DPP6: variants seen among roughly 807,000 people sequenced by gnomAD.
DPP6 encodes A-type potassium channel modulatory protein DPP6.
A neutral mutation model predicts 122.6 loss-of-function variants in DPP6; 69 were observed. The ratio of observed to expected loss-of-function variants is 0.56; its 90% CI spans 0.46 to 0.69. DPP6 has a LOEUF of 0.69. Among genes scored for constraint, DPP6 ranks in the 30% least tolerant of loss-of-function variants. DPP6 has a pLI of 0.00. For synonymous variants in DPP6, 418 were observed against 433.1 expected (o/e 0.97, Z 0.43); for missense variants, 928 against 1,116.9 (o/e 0.83, Z 2.41).
At chr7:154,629,827 C>T (rs763953871) in intron 5 of DPP6, among the ~76,000 whole-genome samples, 2 of 152,152 alleles carry the variant, frequency 1.3e-5, no homozygotes, top group African/African-American at 2.4e-5. Context: ...TAATGCTGAC[C>T]AGACACCCAG....
intron 1 of DPP6, among the ~76,000 whole-genome samples, chr7:154,010,000 C>T (rs2129048549): frequency 6.6e-6 from 1 of 152,344 alleles, no homozygotes; most frequent in Admixed American, 6.5e-5. Flanking sequence ...GTAGATACAG[C>T]TGAGACTAGT....
chr7:153,865,364 A>G, the DPP6 span, among the ~76,000 whole-genome samples: 1 of 152,176 alleles, frequency 6.6e-6, no homozygotes, highest in Non-Finnish European at 1.5e-5. Flanking sequence ...ATTTTAATGA[A>G]GATGGTAGGT....
the DPP6 span, among the ~76,000 whole-genome samples, chr7:153,861,307 C>G: frequency 1.3e-5 from 2 of 152,126 alleles, no homozygotes; most frequent in African/African-American, 2.4e-5. Context: ...CAGCTTTCAG[C>G]CTCAAAATGA....
rs138955474 is a variant in DPP6, at chr7:154,785,660, A to G, written c.1137-8419A>G. Among the ~76,000 whole-genome samples, 1,338 of 152,272 alleles carry G rather than the reference A, an allele frequency of 8.8e-3. 17 individuals carry two copies. Among genetic ancestry groups the G allele is most frequent in the South Asian group, 0.016 (76 of 4,826 alleles). On this transcript the variant is annotated intron_variant, in intron 10 of 25. Transcript: ENST00000377770. ...TCTGCATCTTTGTTTTTACTTTTAC[A>G]TCATTGAGGTTGATGGCATTTACAC...
the DPP6 span, among the ~76,000 whole-genome samples, chr7:153,775,212 G>A: frequency 8.3e-5 from 12 of 144,780 alleles, no homozygotes; most frequent in Non-Finnish European, 1.5e-4. Flanking sequence ...ACCAAGTCAA[G>A]TTTGTTCCAA....
At chr7:153,883,390 C>CTT (rs11399982), upstream of DPP6, among the ~76,000 whole-genome samples, 741 of 150,850 alleles carry the variant, frequency 4.9e-3, 7 homozygotes, top group South Asian at 0.031. Context: ...TTTTTTTGTT[C>CTT]TTTTTTTTTG....
intron 3 of DPP6, among the ~76,000 whole-genome samples, chr7:154,529,892 A>G (rs990593840): frequency 6.6e-6 from 1 of 152,170 alleles, no homozygotes; most frequent in African/African-American, 2.4e-5. Flanking sequence ...TTGGGAGGCC[A>G]AGGCAGGTGG....
intron 16 of DPP6, among the ~76,000 whole-genome samples, chr7:154,841,217 A>G (rs1043559623): frequency 6.6e-6 from 1 of 152,134 alleles, no homozygotes; most frequent in South Asian, 2.1e-4. Flanking sequence ...CTCCATCCAC[A>G]GTCTAGCTGT....
At chr7:153,877,509 A>G in the DPP6 span, among the ~76,000 whole-genome samples, 2 of 152,170 alleles carry the variant, frequency 1.3e-5, no homozygotes, top group African/African-American at 2.4e-5. Flanking sequence ...GCATTGTGCT[A>G]TGGTGTTAGG....
chr7:153,790,427 G>A, the DPP6 span, among the ~76,000 whole-genome samples: 1 of 152,148 alleles, frequency 6.6e-6, no homozygotes, highest in Non-Finnish European at 1.5e-5. Flanking sequence ...TATATGACAT[G>A]TTTTTAAAAG....
At chr7:154,243,460 G>A (rs1361812050) in intron 1 of DPP6, among the ~76,000 whole-genome samples, 1 of 152,110 alleles carries the variant, frequency 6.6e-6, no homozygotes, top group Non-Finnish European at 1.5e-5. Flanking sequence ...TAAAATTTTA[G>A]AACTGAAAAT....
At chr7:153,826,519 A>G in the DPP6 span, among the ~76,000 whole-genome samples, 1 of 152,080 alleles carries the variant, frequency 6.6e-6, no homozygotes, top group Admixed American at 6.5e-5. Context: ...AAGAGTTGCA[A>G]TTTCCTGTTG....
chr7:154,300,758 A>G (rs1163825854), intron 1 of DPP6, among the ~76,000 whole-genome samples: 1 of 152,322 alleles, frequency 6.6e-6, no homozygotes, highest in East Asian at 1.9e-4. Context: ...AGAGTTTCTT[A>G]TCAGTTCAAG....
intron 1 of DPP6, among the ~76,000 whole-genome samples, chr7:154,206,380 C>G (rs1393627226): frequency 6.6e-6 from 1 of 152,212 alleles, no homozygotes; most frequent in Admixed American, 6.5e-5. Flanking sequence ...ACAGGCAGCA[C>G]AGAGGCATGG....
intron 1 of DPP6, among the ~76,000 whole-genome samples, chr7:154,382,290 C>G (rs1304857884): frequency 6.6e-6 from 1 of 152,064 alleles, no homozygotes; most frequent in Non-Finnish European, 1.5e-5. Flanking sequence ...CAGGTTCAAG[C>G]AATTCTGCTT....
intron 1 of DPP6, among the ~76,000 whole-genome samples, chr7:153,896,552 C>A (rs982931049): frequency 6.6e-6 from 1 of 152,142 alleles, no homozygotes; most frequent in Non-Finnish European, 1.5e-5. Flanking sequence ...CACCTGTAAT[C>A]TCAGCACTTT....
intron 1 of DPP6, among the ~76,000 whole-genome samples, chr7:154,085,303 C>T (rs1434113409): frequency 3.3e-5 from 5 of 152,098 alleles, no homozygotes; most frequent in South Asian, 2.1e-4. Context: ...CAAGCTTTTC[C>T]GGACATTCTG....
At chr7:154,326,722 T>A (rs1277688046) in intron 1 of DPP6, among the ~76,000 whole-genome samples, 1 of 152,258 alleles carries the variant, frequency 6.6e-6, no homozygotes, top group East Asian at 1.9e-4. Context: ...ATAATATCAG[T>A]TGGTTTCCCC....
intron 1 of DPP6, among the ~76,000 whole-genome samples, chr7:154,159,834 C>T (rs1326865685): frequency 1.3e-5 from 2 of 151,992 alleles, no homozygotes; most frequent in African/African-American, 2.4e-5. Context: ...GATGGCCAGT[C>T]GCAGTGTCTC....
Sources: gnomAD v4.1 joint callset for allele counts (sites outside exome capture counted in the v4.1 genomes callset) on GRCh38, gnomAD v4.1.1 for gene constraint, MANE v1.5 for transcripts, NCBI Gene and HGNC (gene_info 2026-07-23, HGNC 2026-07-21) for gene names.